Variants in RSU1 observed in about 807,000 individuals in gnomAD.
RSU1 encodes the protein rsu-1.
Under a neutral mutation model 31.1 loss-of-function variants are expected in RSU1, and 26 were observed. That is an observed-to-expected ratio of 0.84 (90% CI 0.61 to 1.16). RSU1 has a LOEUF of 1.16. Among genes scored for constraint, RSU1 ranks in the 50% most tolerant of loss-of-function variants. RSU1 has a pLI of 0.00. For synonymous variants in RSU1, 164 were observed against 136.3 expected, an observed-to-expected ratio of 1.20 and a Z score of -1.41; for missense variants, 320 against 339.1, an observed-to-expected ratio of 0.94 and a Z score of 0.44.
In RSU1 at chr10:16,751,839, A is replaced by G. The variant is rs78899112; in HGVS notation, c.598+700T>C. On this transcript the variant is annotated intron_variant, in intron 7 of 8. Coordinates refer to ENST00000345264, the MANE Select transcript of RSU1 (RefSeq NM_012425.4). ...CTATGGAGGGTCTGCACAAGAAAAG[A>G]TAAGGGAACTCGTGAACCTTTTGCA... Among the ~76,000 whole-genome samples the G allele has an allele frequency of 3.6e-4, 55 of 152,332 alleles. No individual in the cohort carries two copies. In the East Asian group the frequency reaches 8.5e-3, roughly 24 times the overall value.
At chr10:16,694,267 T>G (rs1459874536) in intron 8 of RSU1, among the ~76,000 whole-genome samples, 1 of 152,198 alleles carries the variant, frequency 6.6e-6, no homozygotes, top group Non-Finnish European at 1.5e-5. Context: ...GCCTTCCCCT[T>G]TTCTCTAAGA....
intron 8 of RSU1, among the ~76,000 whole-genome samples, chr10:16,690,953 A>G (rs769110413): frequency 6.6e-6 from 1 of 152,176 alleles, no homozygotes; most frequent in African/African-American, 2.4e-5. Flanking sequence ...TGATAAATAT[A>G]TAAGTAAGGA....
chr10:16,816,431 G>C (rs1053844869), intron 2 of RSU1, among the ~76,000 whole-genome samples: 1 of 152,164 alleles, frequency 6.6e-6, no homozygotes, highest in African/African-American at 2.4e-5. Flanking sequence ...GATTAAACTG[G>C]GCAGTGAAAC....
chr10:16,669,564 C>G (rs1276720360), intron 8 of RSU1, among the ~76,000 whole-genome samples: 1 of 152,140 alleles, frequency 6.6e-6, no homozygotes, highest in African/African-American at 2.4e-5. Context: ...TCTACAAAAG[C>G]TGCCATTTCT....
intron 7 of RSU1, among the ~76,000 whole-genome samples, chr10:16,706,292 C>G (rs1322633074): frequency 1.3e-5 from 2 of 152,146 alleles, no homozygotes; most frequent in African/African-American, 4.8e-5. Context: ...TAGTAACCAC[C>G]CTAATGGATA....
At chr10:16,653,269 G>A (rs1162226000) in intron 8 of RSU1, among the ~76,000 whole-genome samples, 2 of 152,188 alleles carry the variant, frequency 1.3e-5, no homozygotes, top group African/African-American at 2.4e-5. Flanking sequence ...CCATTTTAAA[G>A]TTGATGAAAT....
intron 8 of RSU1, among the ~76,000 whole-genome samples, chr10:16,626,895 AC>A (rs1232081801): frequency 1.3e-5 from 2 of 152,166 alleles, no homozygotes; most frequent in African/African-American, 2.4e-5. Context: ...CAGGCTGCAT[AC>A]CTTCTCGATG....
intron 3 of RSU1, among the ~76,000 whole-genome samples, chr10:16,773,404 C>T (rs1837462290): frequency 6.6e-6 from 1 of 152,106 alleles, no homozygotes; most frequent in Admixed American, 6.5e-5. Flanking sequence ...CGAAATAACC[C>T]AACTATGGCT....
intron 2 of RSU1, among the ~76,000 whole-genome samples, chr10:16,802,585 T>C (rs1588546048): frequency 6.6e-6 from 1 of 152,004 alleles, no homozygotes; most frequent in Non-Finnish European, 1.5e-5. Flanking sequence ...CCAAAGACAT[T>C]ACAAAAAGGA....
In RSU1 at chr10:16,812,007, T is replaced by C. The variant is rs1488328280; in HGVS notation, c.109+4966A>G. 3.3e-5 allele frequency among the ~76,000 whole-genome samples: 5 copies of C among 152,216 alleles called. 1 individual carries two copies. The highest frequency in any genetic ancestry group is 1.2e-4 in the African/African-American group (5 of 41,448). On this transcript the variant is annotated intron_variant, in intron 2 of 8. Coordinates refer to ENST00000345264, the MANE Select transcript of RSU1 (RefSeq NM_012425.4). The stretch of plus-strand genomic sequence containing the variant: ...GTCATGTGAATAGTTAAGTCCTTCC[T>C]TCTTTCAACAAGCACTAACTGACAA...
chr10:16,674,398 GGTTT>G (rs1252155708), intron 8 of RSU1, among the ~76,000 whole-genome samples: 1 of 135,624 alleles, frequency 7.4e-6, no homozygotes, highest in Non-Finnish European at 1.5e-5. Context: ...TGTCACGGAA[GGTTT>G]TTTTTTTTTT....
intron 8 of RSU1, among the ~76,000 whole-genome samples, chr10:16,661,451 G>A (rs112499114): frequency 2.0e-5 from 3 of 152,076 alleles, no homozygotes; most frequent in East Asian, 3.9e-4. Flanking sequence ...CCACCAATTT[G>A]GAAACAAATT....
intron 8 of RSU1, among the ~76,000 whole-genome samples, chr10:16,617,621 A>G (rs1341418356): frequency 6.6e-6 from 1 of 152,256 alleles, no homozygotes; most frequent in Non-Finnish European, 1.5e-5. Context: ...ACAGCATGGT[A>G]CTGGTATCAA....
chr10:16,738,703 A>G (rs1401077523), intron 7 of RSU1, among the ~76,000 whole-genome samples: 1 of 152,204 alleles, frequency 6.6e-6, no homozygotes, highest in East Asian at 1.9e-4. Flanking sequence ...CTTTTTAAAA[A>G]AAAATTATTT....
intron 8 of RSU1, among the ~76,000 whole-genome samples, chr10:16,629,913 A>T (rs142606197): frequency 0.011 from 1,669 of 152,244 alleles, 32 homozygotes; most frequent in African/African-American, 0.035. Context: ...ATTAGACAAA[A>T]CTTATTTTTT....
At chr10:16,754,384 T>C (rs904759226) in intron 5 of RSU1, among the ~76,000 whole-genome samples, 3 of 152,146 alleles carry the variant, frequency 2.0e-5, no homozygotes, top group Admixed American at 6.5e-5. Context: ...ACTGGATAAA[T>C]AGGTCAATAA....
intron 8 of RSU1, among the ~76,000 whole-genome samples, chr10:16,605,649 AT>A (rs1833791388): frequency 6.6e-6 from 1 of 152,176 alleles, no homozygotes; most frequent in South Asian, 2.1e-4. Flanking sequence ...GGTGACTACC[AT>A]CAGCTTCCCA....
chr10:16,789,905 C>T (rs1047298113), intron 2 of RSU1, among the ~76,000 whole-genome samples: 2 of 152,262 alleles, frequency 1.3e-5, no homozygotes, highest in African/African-American at 2.4e-5. Context: ...ACTAAGAAAA[C>T]GTGTTGACGT....
chr10:16,672,126 G>A (rs1377180356), intron 8 of RSU1, among the ~76,000 whole-genome samples: 3 of 140,424 alleles, frequency 2.1e-5, no homozygotes, highest in Non-Finnish European at 3.0e-5. Context: ...GTGAAACCCC[G>A]TCTCTACTAA....
Sources: allele counts gnomAD v4.1 joint callset (sites outside exome capture counted in the v4.1 genomes callset), GRCh38; gene constraint gnomAD v4.1.1; transcripts MANE v1.5; gene names NCBI Gene and HGNC (gene_info 2026-07-23, HGNC 2026-07-21).